DCC: variants seen among roughly 807,000 people sequenced by gnomAD.
DCC encodes the protein netrin receptor DCC.
A neutral mutation model predicts 172.5 loss-of-function variants in DCC; 58 were observed. That is an observed-to-expected ratio of 0.34 (90% CI 0.27 to 0.42). The LOEUF is 0.42. DCC is among the 10% of genes least tolerant of loss of function. DCC has a pLI of 1.00. For missense variants in DCC, 1,740 were observed against 1,791.0 expected, an observed-to-expected ratio of 0.97 and a Z score of 0.51; for synonymous variants, 709 against 644.5, an observed-to-expected ratio of 1.10 and a Z score of -1.52.
chr18:53,077,185 C>A (rs1031049259), intron 7 of DCC, among the ~76,000 whole-genome samples: 2 of 151,986 alleles, frequency 1.3e-5, no homozygotes, highest in Non-Finnish European at 2.9e-5. Context: ...ATCAGCCAAG[C>A]TATTTGACCT....
intron 5 of DCC, among the ~76,000 whole-genome samples, chr18:52,984,448 TGAA>T (rs2041260556): frequency 6.6e-6 from 1 of 152,024 alleles, no homozygotes; most frequent in African/African-American, 2.4e-5. Flanking sequence ...AAAATTAAGT[TGAA>T]AATTCATTTC....
At chr18:52,554,650 G>T (rs1297257080) in intron 1 of DCC, among the ~76,000 whole-genome samples, 3 of 152,134 alleles carry the variant, frequency 2.0e-5, no homozygotes, top group Non-Finnish European at 2.9e-5. Context: ...ATAAATAAAG[G>T]AAAGGGATAC....
At chr18:52,910,376 C>T (rs2039954955) in intron 3 of DCC, among the ~76,000 whole-genome samples, 1 of 151,970 alleles carries the variant, frequency 6.6e-6, no homozygotes, top group South Asian at 2.1e-4. Flanking sequence ...TTATTTGTTT[C>T]ATTAAAGGTA....
At chr18:53,040,684 G>GA (rs1410019478) in intron 5 of DCC, among the ~76,000 whole-genome samples, 5 of 151,828 alleles carry the variant, frequency 3.3e-5, no homozygotes, top group African/African-American at 7.3e-5. Flanking sequence ...GAATTAATAG[G>GA]AAAAAACAAA....
chr18:53,016,400 T>C (rs1198740385), intron 5 of DCC, among the ~76,000 whole-genome samples: 1 of 152,094 alleles, frequency 6.6e-6, no homozygotes, highest in Admixed American at 6.5e-5. Context: ...CATCATGCAT[T>C]TAGCTGAAAT....
intron 1 of DCC, among the ~76,000 whole-genome samples, chr18:52,368,769 A>G (rs1482553192): frequency 6.6e-6 from 1 of 152,244 alleles, no homozygotes; most frequent in Admixed American, 6.5e-5. Flanking sequence ...GTCTTTGTTC[A>G]GGATCCTGGT....
At chr18:53,365,071 C>T (rs1352827590) in intron 15 of DCC, among the ~76,000 whole-genome samples, 1 of 151,856 alleles carries the variant, frequency 6.6e-6, no homozygotes, top group Non-Finnish European at 1.5e-5. Context: ...ACTATCCCTC[C>T]CCCCTCCTCC....
intron 1 of DCC, among the ~76,000 whole-genome samples, chr18:52,548,068 G>T (rs2032664577): frequency 6.6e-6 from 1 of 152,168 alleles, no homozygotes; most frequent in African/African-American, 2.4e-5. Flanking sequence ...TGGAAAGGAA[G>T]CTGGATCAGA....
chr18:53,324,361 T>C (rs8097413), intron 14 of DCC, among the ~76,000 whole-genome samples: 22,749 of 152,198 alleles, frequency 0.15, 2,284 homozygotes, highest in African/African-American at 0.29. Flanking sequence ...ATATGCAAGA[T>C]ATTACCTTAG....
intron 27 of DCC, among the ~76,000 whole-genome samples, chr18:53,500,138 C>T (rs189512463): frequency 3.7e-4 from 57 of 152,006 alleles, no homozygotes; most frequent in Middle Eastern, 3.4e-3. Context: ...TCCCAGATTC[C>T]CAATGCAGTA....
chr18:53,078,926 T>A (rs990877123), intron 7 of DCC, among the ~76,000 whole-genome samples: 2 of 152,172 alleles, frequency 1.3e-5, no homozygotes, highest in African/African-American at 4.8e-5. Flanking sequence ...TTTCCCATAT[T>A]TCTTGGTATT....
At position 53,118,335 on chromosome 18, in the gene DCC, G is replaced by A. The variant is rs543822789; in HGVS notation, c.1262-39021G>A. ...ACTACTACCTTCGTCAAATAATACT[G>A]CATCATAGTGTTTCGTATATAAAGC... is the stretch of plus-strand genomic sequence containing the variant. On this transcript the variant is annotated intron_variant, in intron 7 of 28. Coordinates refer to ENST00000442544, the MANE Select transcript of DCC (RefSeq NM_005215.4). Among the ~76,000 whole-genome samples the A allele has an allele frequency of 1.6e-4, 25 of 151,794 alleles. No individual in the cohort carries two copies. The South Asian group carries it at 4.8e-3, about 29-fold the overall frequency.
chr18:52,656,476 A>G (rs1182121611), intron 1 of DCC, among the ~76,000 whole-genome samples: 2 of 152,200 alleles, frequency 1.3e-5, no homozygotes, highest in Non-Finnish European at 2.9e-5. Context: ...CACTCAGTCT[A>G]TGGTATCTTG....
At chr18:53,438,226 C>A (rs1042604103) in intron 22 of DCC, among the ~76,000 whole-genome samples, 16 of 152,110 alleles carry the variant, frequency 1.1e-4, no homozygotes, top group African/African-American at 3.9e-4. Flanking sequence ...AAGAGACATA[C>A]TGCCAGAAAA....
At chr18:53,176,466 TCAAA>T (rs1169764929) in intron 8 of DCC, among the ~76,000 whole-genome samples, 2 of 148,666 alleles carry the variant, frequency 1.3e-5, no homozygotes, top group Admixed American at 6.7e-5. Flanking sequence ...TACAATGAAC[TCAAA>T]CAAATTTACA....
rs909305169 is a variant in DCC, at chr18:52,518,644, C to T, written c.91+177766C>T. Among the ~76,000 whole-genome samples the T allele has an allele frequency of 1.2e-4, 19 of 152,170 alleles. 1 individual carries two copies. Among genetic ancestry groups the T allele is most frequent in the South Asian group, 8.3e-4 (4 of 4,812 alleles). On this transcript the variant is annotated intron_variant, in intron 1 of 28. Transcript: ENST00000442544. ...AGATCTGAATACATGTGAAATGAGC[C>T]GGCATGATGAATATTTGTCTGTTCT...
chr18:53,507,100 A>AGAC (rs1193514243), intron 27 of DCC, among the ~76,000 whole-genome samples: 1 of 146,094 alleles, frequency 6.8e-6, no homozygotes, highest in East Asian at 2.1e-4. Context: ...GTTTTGTGAA[A>AGAC]GACTATGAGT....
At chr18:52,644,784 G>A (rs1568271712) in intron 1 of DCC, among the ~76,000 whole-genome samples, 1 of 37,290 alleles carries the variant, frequency 2.7e-5, no homozygotes, top group African/African-American at 8.4e-5. Context: ...AGGAAAGAAG[G>A]AAAGAAGGAA....
intron 5 of DCC, among the ~76,000 whole-genome samples, chr18:52,958,511 A>G (rs1007407560): frequency 2.0e-5 from 3 of 152,160 alleles, no homozygotes; most frequent in Admixed American, 2.0e-4. Context: ...TGGTTAAGAC[A>G]CAGGTTGGTA....
Sources: allele counts gnomAD v4.1 joint callset (sites outside exome capture counted in the v4.1 genomes callset), GRCh38; gene constraint gnomAD v4.1.1; transcripts MANE v1.5; gene names NCBI Gene and HGNC (gene_info 2026-07-23, HGNC 2026-07-21).